The following STARD13 variants were observed in gnomAD, a reference collection of about 807,000 sequenced individuals.
The protein encoded by STARD13 is StAR related lipid transfer domain containing 13, also known as stAR-related lipid transfer protein 13.
STARD13 carries 62 observed loss-of-function variants against 106.4 expected under a neutral mutation model. The observed-to-expected ratio is 0.58, with a 90% confidence interval of 0.48 to 0.72. The LOEUF is 0.72. Among genes scored for constraint, STARD13 ranks in the 30% least tolerant of loss-of-function variants. The probability of loss-of-function intolerance (pLI) is 0.00; values close to 1 mark genes in which losing one functional copy is unlikely to be tolerated. For synonymous variants in STARD13, 565 were observed against 553.0 expected (o/e 1.02, Z -0.31); for missense variants, 1,387 against 1,424.0 (o/e 0.97, Z 0.42).
the STARD13 span, among the ~76,000 whole-genome samples, chr13:33,576,923 C>T: frequency 5.3e-5 from 8 of 152,082 alleles, no homozygotes; most frequent in Admixed American, 2.0e-4. Context: ...CTTTAGTTTC[C>T]GGTTTAAAGC....
the STARD13 span, among the ~76,000 whole-genome samples, chr13:33,545,951 A>G: frequency 6.6e-6 from 1 of 152,238 alleles, no homozygotes; most frequent in Non-Finnish European, 1.5e-5. Flanking sequence ...TTTATAGAAA[A>G]ATAAATGGAC....
the STARD13 span, among the ~76,000 whole-genome samples, chr13:33,396,943 C>CA: frequency 2.0e-5 from 3 of 151,904 alleles, no homozygotes; most frequent in African/African-American, 4.8e-5. Context: ...CCAGCAAAAG[C>CA]AAAAAAATCA....
At chr13:33,296,041 C>T (rs982289397) in intron 1 of STARD13, among the ~76,000 whole-genome samples, 6 of 151,060 alleles carry the variant, frequency 4.0e-5, no homozygotes, top group East Asian at 1.9e-4. Flanking sequence ...GCCAACATGG[C>T]GAAACCTCGT....
the STARD13 span, among the ~76,000 whole-genome samples, chr13:33,414,258 A>G: frequency 2.0e-5 from 3 of 152,328 alleles, no homozygotes; most frequent in Admixed American, 2.0e-4. Context: ...TCAATCTGGT[A>G]GACACTTCAG....
intron 1 of STARD13, among the ~76,000 whole-genome samples, chr13:33,193,545 T>G (rs1235792573): frequency 1.3e-5 from 2 of 152,192 alleles, no homozygotes; most frequent in Non-Finnish European, 2.9e-5. Context: ...ATTTTGGAGA[T>G]GAGCAACTAG....
rs140229282 is a variant in STARD13 at position 33,112,759 on chromosome 13, G to A, written c.2454C>T (p.Leu818=). ...MNLAVCLAPS[L]FHLNLLKKES... is the part of the protein sequence containing the mutation. ...CTTTCTTCAATAAATTAAGATGAAA[G>A]AGGGAGGGGGCCAGACACACTGCCA... Residue 818 remains leucine, a synonymous_variant, in exon 9 of 14, where the codon CTC becomes CTT. Coordinates refer to ENST00000336934, the MANE Select transcript of STARD13 (RefSeq NM_178006.4). 1.0e-4 allele frequency: 168 copies of A among 1,606,808 alleles called. No individual in the cohort carries two copies. The highest frequency in any genetic ancestry group is 1.0e-3 in the Middle Eastern group (6 of 6,024).
chr13:33,567,991 A>G, the STARD13 span, among the ~76,000 whole-genome samples: 2 of 147,754 alleles, frequency 1.4e-5, no homozygotes, highest in African/African-American at 5.0e-5. Context: ...TCTTTAGAAA[A>G]TGAAGAGATT....
chr13:33,361,836 CT>C, the STARD13 span, among the ~76,000 whole-genome samples: 1 of 152,194 alleles, frequency 6.6e-6, no homozygotes, highest in Non-Finnish European at 1.5e-5. Context: ...CAGGTACCCC[CT>C]AACACTGGGA....
At chr13:33,197,213 G>A (rs762465460) in intron 1 of STARD13, among the ~76,000 whole-genome samples, 3 of 152,098 alleles carry the variant, frequency 2.0e-5, no homozygotes, top group African/African-American at 4.8e-5. Context: ...CCCAGGTCCC[G>A]CTCAGCCAGC....
At chr13:33,202,502 C>T (rs765592378) in intron 1 of STARD13, among the ~76,000 whole-genome samples, 1 of 152,172 alleles carries the variant, frequency 6.6e-6, no homozygotes. Context: ...CTACAGCGAG[C>T]ACCAGGGAGT....
At chr13:33,435,943 A>G in the STARD13 span, among the ~76,000 whole-genome samples, 5 of 152,224 alleles carry the variant, frequency 3.3e-5, no homozygotes. Context: ...GATTTTCTTC[A>G]TAATAATTGG....
chr13:33,377,557 A>G, the STARD13 span, among the ~76,000 whole-genome samples: 91 of 152,238 alleles, frequency 6.0e-4, no homozygotes, highest in African/African-American at 2.0e-3. Flanking sequence ...ACTAAATGAA[A>G]TCTTAGCAGA....
chr13:33,279,871 G>A (rs533358370), intron 1 of STARD13: 166 of 152,104 alleles, frequency 1.1e-3, no homozygotes, highest in African/African-American at 3.9e-3. Flanking sequence ...CTGTAATTTT[G>A]GTTAAACAGT....
At chr13:33,477,955 T>C in the STARD13 span, among the ~76,000 whole-genome samples, 5 of 151,214 alleles carry the variant, frequency 3.3e-5, no homozygotes, top group African/African-American at 1.2e-4. Flanking sequence ...GGTCACTGCA[T>C]CCAGACGGTA....
At chr13:33,532,120 C>T in the STARD13 span, among the ~76,000 whole-genome samples, 1,090 of 152,202 alleles carry the variant, frequency 7.2e-3, 19 homozygotes, top group African/African-American at 0.025. Context: ...TCACCTGTTA[C>T]CTGAAGCTCA....
At chr13:33,642,950 A>G in the STARD13 span, among the ~76,000 whole-genome samples, 2 of 152,074 alleles carry the variant, frequency 1.3e-5, no homozygotes, top group African/African-American at 4.8e-5. Flanking sequence ...ATACACAAGG[A>G]CAGAGTTTCC....
chr13:33,547,814 C>T, the STARD13 span, among the ~76,000 whole-genome samples: 1 of 151,858 alleles, frequency 6.6e-6, no homozygotes, highest in African/African-American at 2.4e-5. Flanking sequence ...TCATGAAGAT[C>T]CAAGAAAAAA....
the STARD13 span, among the ~76,000 whole-genome samples, chr13:33,656,003 G>C: frequency 4.1e-4 from 63 of 152,154 alleles, no homozygotes; most frequent in Non-Finnish European, 6.5e-4. Flanking sequence ...CACCAGCCAT[G>C]AGCCTTTGCA....
intron 1 of STARD13, among the ~76,000 whole-genome samples, chr13:33,306,842 C>G (rs1457474629): frequency 2.0e-5 from 3 of 151,928 alleles, no homozygotes; most frequent in African/African-American, 7.3e-5. Context: ...CCCAGCTACT[C>G]GGGAGGCTGA....
Sources: gnomAD v4.1 joint callset for allele counts (sites outside exome capture counted in the v4.1 genomes callset) on GRCh38, gnomAD v4.1.1 for gene constraint, MANE v1.5 for transcripts, NCBI Gene and HGNC (gene_info 2026-07-23, HGNC 2026-07-21) for gene names.